Variants in SLC8A1 observed in about 807,000 individuals in gnomAD.
SLC8A1 encodes the protein solute carrier family 8 member A1.
Under a neutral mutation model 68.3 loss-of-function variants are expected in SLC8A1, and 18 were observed. The ratio of observed to expected loss-of-function variants is 0.26; its 90% confidence interval spans 0.18 to 0.39. The LOEUF (loss-of-function observed/expected upper bound fraction) is 0.39, where lower values mean the gene tolerates loss of function less well. Among genes scored for constraint, SLC8A1 ranks in the 10% least tolerant of loss-of-function variants. SLC8A1 has a pLI of 1.00. For missense variants in SLC8A1, 985 were observed against 1,156.7 expected, an observed-to-expected ratio of 0.85 and a Z score of 2.15; for synonymous variants, 475 against 415.5, an observed-to-expected ratio of 1.14 and a Z score of -1.74.
In SLC8A1 at chr2:40,298,767, G is replaced by A. The variant is rs140122194; in HGVS notation, c.1809-120912C>T. ...TGCAGAAAACTGTAAAAGCTTATAG[G>A]ATTTTAAATATAATTGTACAGTAAC... On this transcript the variant is annotated intron_variant, in intron 2 of 7. Transcript: ENST00000406785. Among the ~76,000 whole-genome samples, 221 of 152,274 alleles carry A rather than the reference G, an allele frequency of 1.5e-3. 1 individual carries two copies. The highest frequency in any genetic ancestry group is 6.8e-3 in the Middle Eastern group (2 of 294).
At chr2:40,260,820 G>C (rs1402261042) in intron 2 of SLC8A1, among the ~76,000 whole-genome samples, 1 of 151,650 alleles carries the variant, frequency 6.6e-6, no homozygotes, top group African/African-American at 2.4e-5. Context: ...CATATCTGAA[G>C]AAAGTGAGGC....
chr2:40,253,086 GTA>G (rs1237278134), intron 2 of SLC8A1, among the ~76,000 whole-genome samples: 2 of 96,690 alleles, frequency 2.1e-5, no homozygotes, highest in Non-Finnish European at 4.0e-5. Flanking sequence ...GTGTATAAAT[GTA>G]TATAGTATAT....
At chr2:40,352,173 G>T (rs991537199) in intron 2 of SLC8A1, among the ~76,000 whole-genome samples, 1 of 152,244 alleles carries the variant, frequency 6.6e-6, no homozygotes, top group Non-Finnish European at 1.5e-5. Context: ...CGTTCATAGA[G>T]AAGGAACTTG....
At chr2:40,284,666 A>G (rs1340397924) in intron 2 of SLC8A1, among the ~76,000 whole-genome samples, 2 of 149,504 alleles carry the variant, frequency 1.3e-5, no homozygotes, top group South Asian at 2.1e-4. Context: ...ATATAAATAT[A>G]TATATACACA....
chr2:40,428,462 A>G lies in SLC8A1; in HGVS notation c.1808+11T>C. The G allele has an allele frequency of 6.4e-7, 1 of 1,565,728 alleles. No individual in the cohort carries two copies. The highest frequency in any genetic ancestry group is 8.6e-7 in the Non-Finnish European group (1 of 1,158,738). On this transcript the variant is annotated intron_variant, in intron 2 of 7. Coordinates refer to ENST00000406785, the Ensembl canonical transcript of SLC8A1. ...ACACACACACACACACATATATAAT[A>G]TAGAACTTACACAATTTCATCATTC...
At chr2:40,277,131 T>G (rs2066805939) in intron 2 of SLC8A1, among the ~76,000 whole-genome samples, 1 of 152,170 alleles carries the variant, frequency 6.6e-6, no homozygotes, top group South Asian at 2.1e-4. Flanking sequence ...CCATAATATA[T>G]GGTTTATACT....
At chr2:40,184,898 CAAAAAA>C (rs66662572) in intron 2 of SLC8A1, among the ~76,000 whole-genome samples, 1 of 106,522 alleles carries the variant, frequency 9.4e-6, no homozygotes, top group East Asian at 3.0e-4. Flanking sequence ...TAACCAAAAA[CAAAAAA>C]AAAAAAAAAA....
chr2:40,171,432 C>T (rs1485587683), intron 4 of SLC8A1, among the ~76,000 whole-genome samples: 3 of 152,138 alleles, frequency 2.0e-5, no homozygotes, highest in African/African-American at 7.2e-5. Context: ...TTCTTCTCTC[C>T]ATAGTGAGCC....
chr2:40,260,708 C>G (rs1014570699), intron 2 of SLC8A1, among the ~76,000 whole-genome samples: 2 of 150,022 alleles, frequency 1.3e-5, no homozygotes, highest in African/African-American at 4.9e-5. Context: ...AATTATTGAC[C>G]TTTCCTTTCA....
intron 1 of SLC8A1, among the ~76,000 whole-genome samples, chr2:40,467,394 G>C (rs1180295643): frequency 1.3e-5 from 2 of 152,158 alleles, no homozygotes; most frequent in African/African-American, 4.8e-5. Context: ...AGCTACTTCT[G>C]ATGGGGGTGG....
chr2:40,492,387 A>C (rs1705376663), intron 1 of SLC8A1, among the ~76,000 whole-genome samples: 1 of 152,190 alleles, frequency 6.6e-6, no homozygotes, highest in Non-Finnish European at 1.5e-5. Context: ...AAACCATAAA[A>C]ACCCTAGAAG....
At chr2:40,387,496 C>T (rs1419800053) in intron 2 of SLC8A1, among the ~76,000 whole-genome samples, 1 of 151,218 alleles carries the variant, frequency 6.6e-6, no homozygotes, top group Non-Finnish European at 1.5e-5. Flanking sequence ...AGACAAACTA[C>T]CTAAGAGTAC....
chr2:40,459,755 G>C (rs1703234092), intron 1 of SLC8A1, among the ~76,000 whole-genome samples: 1 of 152,124 alleles, frequency 6.6e-6, no homozygotes, highest in Non-Finnish European at 1.5e-5. Context: ...GAGGCCATGG[G>C]AATCATGCAT....
At chr2:40,129,917 C>G (rs1414691717) in intron 7 of SLC8A1, among the ~76,000 whole-genome samples, 4 of 152,156 alleles carry the variant, frequency 2.6e-5, no homozygotes, top group Admixed American at 6.5e-5. Flanking sequence ...GGTTGGGGCA[C>G]TAATCCAAAG....
intron 1 of SLC8A1, among the ~76,000 whole-genome samples, chr2:40,482,500 C>T (rs1704692434): frequency 6.6e-6 from 1 of 152,146 alleles, no homozygotes; most frequent in African/African-American, 2.4e-5. Context: ...GTCCCTGAAG[C>T]ATAAGCTTCA....
exon 8 of SLC8A1, chr2:40,115,058 T>G (rs1179909418): frequency 3.0e-6 from 1 of 330,514 alleles, no homozygotes; most frequent in African/African-American, 2.1e-5. Flanking sequence ...CTCCATGCCT[T>G]GTTGAACATG....
chr2:40,261,191 T>C (rs1399565084), intron 2 of SLC8A1, among the ~76,000 whole-genome samples: 1 of 152,176 alleles, frequency 6.6e-6, no homozygotes, highest in East Asian at 1.9e-4. Context: ...GCGTGCTTGC[T>C]GGATGTGTGG....
chr2:40,428,344 G>A lies in SLC8A1; in HGVS notation c.1808+129C>T, dbSNP rs1576412571. On this transcript the variant is annotated intron_variant, in intron 2 of 7. Coordinates refer to ENST00000406785, the Ensembl canonical transcript of SLC8A1. ...AGACTGATATCTTGAAAGGGATCTT[G>A]TATAAAAGCTATTCCATTCCTTGCA... is the stretch of plus-strand genomic sequence containing the variant. 13 of 1,386,834 alleles carry A rather than the reference G, an allele frequency of 9.4e-6. No homozygotes were observed. In the East Asian group the frequency reaches 2.9e-4, roughly 31 times the overall value. The allele number at this position is 1,386,834 out of a possible 1,614,324, so 85.9% of individuals were successfully genotyped here. A position where few individuals can be genotyped will look rare whatever the true frequency, so the allele number is the denominator to read the frequency against.
At chr2:40,235,473 A>C (rs1279506691) in intron 2 of SLC8A1, among the ~76,000 whole-genome samples, 7 of 152,062 alleles carry the variant, frequency 4.6e-5, no homozygotes, top group Non-Finnish European at 7.4e-5. Context: ...TATTGCGTCT[A>C]TTTGAGTCTT....
Sources: allele counts gnomAD v4.1 joint callset (sites outside exome capture counted in the v4.1 genomes callset), GRCh38; gene constraint gnomAD v4.1.1; transcripts MANE v1.5; gene names NCBI Gene and HGNC (gene_info 2026-07-23, HGNC 2026-07-21).